PLCE1: variants seen among roughly 807,000 people sequenced by gnomAD.
PLCE1 encodes the protein 1-phosphatidylinositol 4,5-bisphosphate phosphodiesterase epsilon-1.
In PLCE1, 119 loss-of-function variants were observed where a neutral mutation model predicts 242.8. The ratio of observed to expected loss-of-function variants is 0.49; its 90% CI spans 0.42 to 0.57. The LOEUF is 0.57. Ranked by LOEUF, PLCE1 falls within the 20% of genes least tolerant of loss-of-function variation. PLCE1 has a pLI of 0.00. For missense variants in PLCE1, 2,441 were observed against 2,788.8 expected (o/e 0.88, Z 2.81); for synonymous variants, 945 against 1,017.4 (o/e 0.93, Z 1.35).
rs533819580 is a variant in PLCE1 at position 94,263,020 on chromosome 10, C to T, written c.4053+288C>T. ...CTGAGTAGCTGGGACTACAGGTGTG[C>T]GCCACCACGCCCAGCTAATTTTTGT... is the stretch of plus-strand genomic sequence containing the variant. On this transcript the variant is annotated intron_variant, in intron 14 of 32. Coordinates refer to ENST00000371380, the MANE Select transcript of PLCE1 (RefSeq NM_016341.4). Among the ~76,000 whole-genome samples the T allele has an allele frequency of 5.0e-4, 76 of 151,756 alleles. No homozygotes were observed. The East Asian group carries it at 8.7e-3, about 17-fold the overall frequency.
chr10:94,092,601 A>G (rs578217737), intron 2 of PLCE1, among the ~76,000 whole-genome samples: 12 of 152,238 alleles, frequency 7.9e-5, no homozygotes, highest in Admixed American at 6.5e-4. Flanking sequence ...AGAAACTGAC[A>G]TTAAAGCAAA....
chr10:94,269,634 C>T (rs186984679), intron 17 of PLCE1, among the ~76,000 whole-genome samples: 122 of 152,226 alleles, frequency 8.0e-4, no homozygotes, highest in African/African-American at 2.7e-3. Context: ...GCAATTTTTA[C>T]GTAATATGAT....
intron 1 of PLCE1, among the ~76,000 whole-genome samples, chr10:94,004,319 G>C (rs2060994169): frequency 6.6e-6 from 1 of 152,094 alleles, no homozygotes; most frequent in African/African-American, 2.4e-5. Flanking sequence ...CAGCAAACCT[G>C]CAAGATGAAG....
chr10:94,018,662 A>G (rs1205870146), intron 1 of PLCE1, among the ~76,000 whole-genome samples: 2 of 152,144 alleles, frequency 1.3e-5, no homozygotes, highest in Non-Finnish European at 2.9e-5. Context: ...TACTACCTGA[A>G]CTATACTATT....
At chr10:94,276,493 A>G (rs1033982267) in intron 19 of PLCE1, among the ~76,000 whole-genome samples, 3 of 152,184 alleles carry the variant, frequency 2.0e-5, no homozygotes, top group African/African-American at 7.2e-5. Context: ...TTCCAGAAGA[A>G]AGGCCTGGTC....
intron 2 of PLCE1, among the ~76,000 whole-genome samples, chr10:94,055,098 G>A (rs111651074): frequency 6.6e-6 from 1 of 151,614 alleles, no homozygotes; most frequent in Non-Finnish European, 1.5e-5. Context: ...CTTTTAAGGA[G>A]TTGAAATTTC....
intron 1 of PLCE1, among the ~76,000 whole-genome samples, chr10:93,996,936 G>A (rs2060835762): frequency 1.3e-5 from 2 of 152,272 alleles, no homozygotes; most frequent in African/African-American, 4.8e-5. Context: ...TTGTTTCAAA[G>A]GGGTAATTCC....
intron 8 of PLCE1, among the ~76,000 whole-genome samples, chr10:94,251,462 A>G (rs1414443606): frequency 1.3e-5 from 2 of 152,254 alleles, no homozygotes; most frequent in African/African-American, 4.8e-5. Flanking sequence ...ATGTTTTTGA[A>G]GAGTAAACAC....
intron 4 of PLCE1, among the ~76,000 whole-genome samples, chr10:94,177,521 G>T (rs1190589437): frequency 6.6e-6 from 1 of 152,126 alleles, no homozygotes; most frequent in Non-Finnish European, 1.5e-5. Flanking sequence ...TCTTAATCTG[G>T]ACACCTCTCT....
chr10:94,221,392 G>C (rs1303893600), intron 4 of PLCE1, among the ~76,000 whole-genome samples: 2 of 152,198 alleles, frequency 1.3e-5, no homozygotes, highest in African/African-American at 4.8e-5. Flanking sequence ...TTTCAGTAAA[G>C]CTCCATGGAG....
rs1201497545 is a variant in PLCE1 at position 94,246,204 on chromosome 10, G to A, written c.2679G>A (p.Trp893Ter). 6.2e-7 allele frequency: 1 copy of A among 1,614,040 alleles called. No homozygotes were observed. Among genetic ancestry groups the A allele is most frequent in the African/African-American group, 1.3e-5 (1 of 75,022 alleles). The change falls in exon 8 of 33, where the codon TGG (tryptophan) becomes TGA (stop). Residue 893 changes from tryptophan (W) to a stop codon, truncating the protein, a stop_gained. Transcript: ENST00000371380. LOFTEE classifies it high-confidence loss of function. ...QLQPDNSTLT[W>*]VKPTTASPAS... ...AGCCCGACAATAGCACCTTGACCTG[G>A]GTAAAGCCCACAACTGCCTCCCCAG...
At chr10:94,318,544 C>CAA (rs2133821296) in intron 29 of PLCE1, among the ~76,000 whole-genome samples, 1 of 152,210 alleles carries the variant, frequency 6.6e-6, no homozygotes, top group African/African-American at 2.4e-5. Context: ...AGAAAGAACT[C>CAA]AAGTCTATGG....
Position 94,019,404 on chromosome 10 carries a change from A to G in PLCE1, c.-364-11279A>G, listed in dbSNP as rs549872069. On this transcript the variant is annotated intron_variant, in intron 1 of 32. Coordinates refer to ENST00000371380, the MANE Select transcript of PLCE1 (RefSeq NM_016341.4). ...GCCACCACCTCAATCAAGAGAGAACATTTCCAATATTTCTCAAAAAGTGGC... is the reference window on the plus strand; with the variant it reads ...GCCACCACCTCAATCAAGAGAGAACGTTTCCAATATTTCTCAAAAAGTGGC... Among the ~76,000 whole-genome samples the G allele has an allele frequency of 5.9e-5, 9 of 152,292 alleles. No individual in the cohort carries two copies. In the East Asian group the frequency reaches 1.7e-3, roughly 29 times the overall value.
At chr10:94,287,526 G>A (rs932860144) in intron 22 of PLCE1, 2 of 151,312 alleles carry the variant, frequency 1.3e-5, no homozygotes, top group Non-Finnish European at 2.9e-5. Context: ...GTGGTATGAG[G>A]CCCACAGAAA....
At chr10:94,187,182 G>GCA (rs1554879702) in intron 4 of PLCE1, among the ~76,000 whole-genome samples, 6 of 136,274 alleles carry the variant, frequency 4.4e-5, no homozygotes, top group East Asian at 8.3e-4. Flanking sequence ...GTGTGTGTGT[G>GCA]CGTGCACACA....
At chr10:94,195,308 C>A (rs1472854432) in intron 4 of PLCE1, among the ~76,000 whole-genome samples, 1 of 152,138 alleles carries the variant, frequency 6.6e-6, no homozygotes, top group Non-Finnish European at 1.5e-5. Context: ...AGAGAAAGGG[C>A]AATGGGCTGG....
chr10:94,252,172 A>G, intron 8 of PLCE1, 144 bp from the exon 9 acceptor site: 1 of 704,718 alleles, frequency 1.4e-6, no homozygotes, highest in South Asian at 1.7e-5. Context: ...GAGTTAGAAA[A>G]CAGTCACTTG....
At position 94,324,411 on chromosome 10, in the gene PLCE1, G is replaced by A. The variant is rs766477523; in HGVS notation, c.6564G>A (p.Val2188=). ...GCAACCCCAATCCAAGCGACTATGT[G>A]CTTTTGGAAGAGGTGGTGAAAGACA... The part of the protein sequence containing the change: ...ILSNPNPSDY[V]LLEEVVKDTT... The change falls in exon 31 of 33, where the codon GTG becomes GTA. Residue 2188 remains valine, a synonymous_variant. Coordinates refer to ENST00000371380, the MANE Select transcript of PLCE1 (RefSeq NM_016341.4). 4 of 1,614,034 alleles carry A rather than the reference G, an allele frequency of 2.5e-6. No individual in the cohort carries two copies. The highest frequency in any genetic ancestry group is 3.4e-6 in the Non-Finnish European group (4 of 1,180,036).
At chr10:94,221,214 A>G (rs1178012105) in intron 4 of PLCE1, among the ~76,000 whole-genome samples, 2 of 152,170 alleles carry the variant, frequency 1.3e-5, no homozygotes, top group African/African-American at 4.8e-5. Flanking sequence ...AGGCCTTGGA[A>G]TCTACATTTG....
Sources: allele counts gnomAD v4.1 joint callset (sites outside exome capture counted in the v4.1 genomes callset), GRCh38; gene constraint gnomAD v4.1.1; transcripts MANE v1.5; gene names NCBI Gene and HGNC (gene_info 2026-07-23, HGNC 2026-07-21).